The following RINT1 variants were observed in gnomAD, a reference collection of about 807,000 sequenced individuals.
RINT1 encodes RAD50-interacting protein 1.
RINT1 carries 75 observed loss-of-function variants against 97.7 expected under a neutral mutation model. That is an observed-to-expected ratio of 0.77 (90% confidence interval 0.64 to 0.93). The LOEUF (loss-of-function observed/expected upper bound fraction) is 0.93. Ranked by LOEUF, RINT1 falls within the 40% of genes least tolerant of loss-of-function variation. RINT1 has a pLI of 0.00. For synonymous variants in RINT1, 303 were observed against 326.3 expected (o/e 0.93, Z 0.77); for missense variants, 892 against 925.2 (o/e 0.96, Z 0.47).
intron 11 of RINT1, among the ~76,000 whole-genome samples, chr7:105,559,767 TCAAA>T (rs1282989926): frequency 6.6e-6 from 1 of 152,152 alleles, no homozygotes; most frequent in Admixed American, 6.6e-5. Flanking sequence ...TGTCTTAACC[TCAAA>T]CATTCTTTAA....
At chr7:105,546,187 T>C (rs981240598) in intron 4 of RINT1, among the ~76,000 whole-genome samples, 2 of 152,188 alleles carry the variant, frequency 1.3e-5, no homozygotes, top group Non-Finnish European at 2.9e-5. Flanking sequence ...TATGTAACAA[T>C]TGAAGACCAT....
chr7:105,555,045 C>T lies in RINT1; in HGVS notation c.1489C>T (p.Pro497Ser), dbSNP rs1562853764. The T allele has an allele frequency of 6.2e-7, 1 of 1,613,774 alleles. No homozygotes were observed. Among genetic ancestry groups the T allele is most frequent in the Non-Finnish European group, 8.5e-7 (1 of 1,179,908 alleles). ...LVITDRYKNL[P>S]TASRKLQFLE... ...TTCCACAGACAGGTATAAAAATCTT[C>T]CCACAGCTTCCCGAAAGCTTCAGTT... Residue 497 changes from proline (P) to serine (S), a missense_variant, in exon 11 of 15, where the codon CCC becomes TCC. Transcript: ENST00000257700.
chr7:105,560,331 C>A (rs981695966), intron 11 of RINT1, among the ~76,000 whole-genome samples: 1 of 152,248 alleles, frequency 6.6e-6, no homozygotes, highest in South Asian at 2.1e-4. Flanking sequence ...CTGACACCAC[C>A]TAAGTTGTCT....
chr7:105,567,321 GA>G lies in RINT1; in HGVS notation c.*15del, dbSNP rs2133498547. On this transcript the variant is annotated 3_prime_UTR_variant, in exon 15 of 15. Coordinates refer to ENST00000257700, the MANE Select transcript of RINT1 (RefSeq NM_021930.6). Reference sequence around the variant, plus strand: ...TAATACTGGAAAATAATGTCTTTCAGAAAAAGGTTTCTTTGGTTTTTGTTTC... The same window carrying G: ...TAATACTGGAAAATAATGTCTTTCAGAAAAGGTTTCTTTGGTTTTTGTTTC... 6.4e-7 allele frequency: 1 copy of G among 1,562,666 alleles called. No homozygotes were observed. Among genetic ancestry groups the G allele is most frequent in the Non-Finnish European group, 8.7e-7 (1 of 1,150,784 alleles).
rs1790489485 is a variant in RINT1 at position 105,542,313 on chromosome 7, C to A, written c.274-95C>A. Reference sequence around the variant, plus strand: ...TGGTACCACTGCACTCCAGCCTGGGCAACAGCGTGAGATCCCCTCTCAAAA... The same window carrying A: ...TGGTACCACTGCACTCCAGCCTGGGAAACAGCGTGAGATCCCCTCTCAAAA... On this transcript the variant is annotated intron_variant, in intron 3 of 14. Transcript: ENST00000257700. The A allele has an allele frequency of 9.8e-6, 9 of 917,790 alleles. No homozygotes were observed. The South Asian group carries it at 1.4e-4, about 14-fold the overall frequency. The allele number at this position is 917,790 out of a possible 1,614,324, so 56.9% of individuals were successfully genotyped here.
intron 11 of RINT1, among the ~76,000 whole-genome samples, chr7:105,558,890 G>A (rs138895609): frequency 9.9e-5 from 15 of 152,060 alleles, no homozygotes; most frequent in African/African-American, 2.9e-4. Flanking sequence ...AGCCCGGGAG[G>A]TTGAGACTGC....
rs367666777 is a variant in RINT1, at chr7:105,567,115, A to T, written c.2187-4A>T. ...CATTTCCCTCCTTTGTTTTCCCTAA[A>T]CAGTATAAAAGAAGCCTGTATTGTT... On this transcript the variant is annotated splice_region_variant and splice_polypyrimidine_tract_variant and intron_variant, in intron 14 of 14. Transcript: ENST00000257700. 6.6e-7 allele frequency: 1 copy of T among 1,524,166 alleles called. No homozygotes were observed. The highest frequency in any genetic ancestry group is 2.4e-5 in the Admixed American group (1 of 42,210). The allele number at this position is 1,524,166 out of a possible 1,614,324, so 94.4% of individuals were successfully genotyped here.
At position 105,536,568 on chromosome 7, in the gene RINT1, A is replaced by T. The variant is rs1367756846; in HGVS notation, c.92A>T (p.Asp31Val). 1 of 1,580,488 alleles carries T rather than the reference A, an allele frequency of 6.3e-7. No homozygotes were observed. Among genetic ancestry groups the T allele is most frequent in the Admixed American group, 1.8e-5 (1 of 54,398 alleles). ...AATTGTTATTCTTTTGTTGTAGGTG[A>T]CATAAATGTTACAGTTCTTATTGGA... ...DERKNLEEKS[D>V]INVTVLIGSK... The change falls in exon 3 of 15, where the codon GAC (aspartate) becomes GTC (valine). Residue 31 changes from aspartate (D) to valine (V), a missense_variant. Physicochemically the swap from Asp to Val is radical, Grantham distance 152 (BLOSUM62 -3). Transcript: ENST00000257700.
At chr7:105,552,564 TCCCTGG>T (rs1167927710) in intron 10 of RINT1, among the ~76,000 whole-genome samples, 1 of 151,608 alleles carries the variant, frequency 6.6e-6, no homozygotes, top group Non-Finnish European at 1.5e-5. Flanking sequence ...ATTGCCACCA[TCCCTGG>T]CCCTCTTCAC....
chr7:105,536,648 G>T lies in RINT1; in HGVS notation c.172G>T (p.Ala58Ser). ...TGGTGATCTCCCTTCTTATGTGTCT[G>T]CATTCATAGAAAAGGAAGTTGGAAA... is the stretch of plus-strand genomic sequence containing the variant. ...DNGDLPSYVS[A>S]FIEKEVGNDL... Residue 58 changes from alanine to serine, a missense_variant, in exon 3 of 15, where the codon GCA becomes TCA. Coordinates refer to ENST00000257700, the MANE Select transcript of RINT1 (RefSeq NM_021930.6). 1.2e-6 allele frequency: 2 copies of T among 1,612,242 alleles called. No individual in the cohort carries two copies. The highest frequency in any genetic ancestry group is 1.7e-6 in the Non-Finnish European group (2 of 1,178,658).
Position 105,567,172 on chromosome 7 carries a change from T to C in RINT1, c.2240T>C (p.Leu747Pro). 1 of 1,606,816 alleles carries C rather than the reference T, an allele frequency of 6.2e-7. No homozygotes were observed. The highest frequency in any genetic ancestry group is 1.1e-5 in the South Asian group (1 of 88,924). Residue 747 changes from leucine to proline, a missense_variant, in exon 15 of 15, where the codon CTG (leucine) becomes CCG (proline). Physicochemically the swap from Leu to Pro is moderately conservative, Grantham distance 98 (BLOSUM62 -3). Coordinates refer to ENST00000257700, the MANE Select transcript of RINT1 (RefSeq NM_021930.6). ...TTGAACGTCGGTTCTGCACTACTGC[T>C]GAAAGATGTACTGCAGTCAGCTTCA... ...LNLNVGSALL[L>P]KDVLQSASGQ...
intron 3 of RINT1, among the ~76,000 whole-genome samples, chr7:105,537,757 A>G (rs1586218465): frequency 6.6e-6 from 1 of 151,370 alleles, no homozygotes; most frequent in Non-Finnish European, 1.5e-5. Flanking sequence ...AATCGCTTGA[A>G]CCCAGGAGGC....
intron 10 of RINT1, among the ~76,000 whole-genome samples, chr7:105,553,242 T>A (rs1301593028): frequency 6.6e-6 from 1 of 151,884 alleles, no homozygotes; most frequent in Admixed American, 6.6e-5. Context: ...TTCTTTTTTT[T>A]GAGACAGAAT....
rs938481898 is a variant in RINT1 at position 105,567,194 on chromosome 7, T to C, written c.2262T>C (p.Ala754=). 1.2e-6 allele frequency: 2 copies of C among 1,612,654 alleles called. No homozygotes were observed. Among genetic ancestry groups the C allele is most frequent in the African/African-American group, 2.7e-5 (2 of 74,894 alleles). ...TGCTGAAAGATGTACTGCAGTCAGC[T>C]TCAGGGCAGCTTCCTGCCACAGCAG... ...ALLLKDVLQS[A]SGQLPATAAL... is the part of the protein sequence containing the mutation. Residue 754 remains alanine (A), a synonymous_variant, in exon 15 of 15, where the codon GCT becomes GCC. Coordinates refer to ENST00000257700, the MANE Select transcript of RINT1 (RefSeq NM_021930.6).
chr7:105,537,125 ATTTTTT>A (rs5886357), intron 3 of RINT1, among the ~76,000 whole-genome samples: 2 of 113,348 alleles, frequency 1.8e-5, no homozygotes, highest in Non-Finnish European at 3.8e-5. Context: ...CATCATTTCA[ATTTTTT>A]TTTTTTTTTT....
chr7:105,565,922 G>C (rs914709275), intron 14 of RINT1, among the ~76,000 whole-genome samples: 1 of 148,792 alleles, frequency 6.7e-6, no homozygotes, highest in Non-Finnish European at 1.5e-5. Context: ...TTAGTTACTG[G>C]AGGAATAAAT....
Position 105,563,774 on chromosome 7 carries a change from A to G in RINT1, c.1713A>G (p.Ala571=). The change falls in exon 12 of 15, where the codon GCA becomes GCG. Residue 571 remains alanine, a synonymous_variant. Transcript: ENST00000257700. ...QLQQAALEVF[A]ENNTLSKLQL... is the part of the protein sequence containing the mutation. ...AACAGGCTGCACTGGAGGTGTTTGC[A>G]GAGAATAATACTCTGAGTAAATTGC... 6.2e-7 allele frequency: 1 copy of G among 1,614,208 alleles called. No homozygotes were observed. Among genetic ancestry groups the G allele is most frequent in the Non-Finnish European group, 8.5e-7 (1 of 1,180,030 alleles).
At chr7:105,535,655 A>G (rs1790202714) in intron 2 of RINT1, 4 of 438,938 alleles carry the variant, frequency 9.1e-6, no homozygotes, top group South Asian at 4.9e-5. Context: ...CAGGCTGCTC[A>G]AGCAATCCTC....
At chr7:105,563,979 CCA>C (rs1417093637) in intron 12 of RINT1, 32 bp downstream of exon 12, 1 of 1,491,320 alleles carries the variant, frequency 6.7e-7, no homozygotes, top group Admixed American at 1.7e-5. Flanking sequence ...GCTCTTAACA[CCA>C]GTTTGGTAAA....
Sources: gnomAD v4.1 joint callset for allele counts (sites outside exome capture counted in the v4.1 genomes callset) on GRCh38, gnomAD v4.1.1 for gene constraint, MANE v1.5 for transcripts, NCBI Gene and HGNC (gene_info 2026-07-23, HGNC 2026-07-21) for gene names.